Variants in NECTIN3 observed in about 807,000 individuals in gnomAD.
NECTIN3 encodes the protein nectin-3.
NECTIN3 carries 8 observed loss-of-function variants against 49.4 expected under a neutral mutation model. The observed-to-expected ratio is 0.16, with a 90% CI of 0.10 to 0.29. NECTIN3 has a LOEUF of 0.29. NECTIN3 is among the 10% of genes least tolerant of loss of function. The pLI, the probability that NECTIN3 is intolerant of heterozygous loss-of-function variation, is 1.00. For synonymous variants in NECTIN3, 277 were observed against 241.1 expected (o/e 1.15, Z -1.38); for missense variants, 581 against 654.6 (o/e 0.89, Z 1.23).
At chr3:111,178,006 G>A (rs1010305805) in intron 7 of NECTIN3, among the ~76,000 whole-genome samples, 6 of 152,112 alleles carry the variant, frequency 3.9e-5, no homozygotes, top group African/African-American at 1.4e-4. Flanking sequence ...AATTAAGCAA[G>A]ACCATAAACC....
At chr3:111,139,635 T>G (rs1256587713), downstream of NECTIN3, among the ~76,000 whole-genome samples, 1 of 151,782 alleles carries the variant, frequency 6.6e-6, no homozygotes, top group Non-Finnish European at 1.5e-5. Context: ...TCTTTTACCA[T>G]ATCATATACC....
Position 111,126,243 on chromosome 3 carries a change from A to G in NECTIN3, c.977A>G (p.His326Arg). The G allele has an allele frequency of 1.2e-6, 2 of 1,610,030 alleles. No individual in the cohort carries two copies. Among genetic ancestry groups the G allele is most frequent in the African/African-American group, 1.3e-5 (1 of 74,886 alleles). The change falls in exon 5 of 6, where the codon CAT becomes CGT. Residue 326 changes from histidine (H) to arginine (R), a missense_variant. His to Arg is a conservative substitution (Grantham distance 29, BLOSUM62 0). This residue lies in a region of NECTIN3 where 234 missense variants were observed against 340.6 expected (regional missense o/e 0.69). Coordinates refer to ENST00000485303, the MANE Select transcript of NECTIN3 (RefSeq NM_015480.3). ...LASDNTLHFVHPLTFNYSGVY... is the reference protein window; with the variant it reads ...LASDNTLHFVRPLTFNYSGVY... ...TCAGACAATACTCTTCATTTTGTCC[A>G]TCCATTGACTTTCAATTATTCTGGT...
chr3:111,081,179 G>A (rs2031578588), intron 1 of NECTIN3, among the ~76,000 whole-genome samples: 1 of 152,224 alleles, frequency 6.6e-6, no homozygotes. Context: ...TACTCAGGAG[G>A]GTAAGGTGGG....
intron 6 of NECTIN3, chr3:111,145,101 C>T (rs1559807348): frequency 1.4e-6 from 2 of 1,449,714 alleles, no homozygotes; most frequent in African/African-American, 1.4e-5. Context: ...TTTATGTTTA[C>T]CTTTACAGCT....
At chr3:111,078,505 T>C (rs2031386092) in intron 1 of NECTIN3, among the ~76,000 whole-genome samples, 1 of 152,174 alleles carries the variant, frequency 6.6e-6, no homozygotes, top group African/African-American at 2.4e-5. Flanking sequence ...TCATGGAAAG[T>C]TAACAATGTG....
rs1463844887 is a variant in NECTIN3, at chr3:111,169,256, A to AT, written c.1221+21778dup. 3.3e-5 allele frequency among the ~76,000 whole-genome samples: 5 copies of AT among 151,034 alleles called. 1 individual carries two copies. The East Asian group carries it at 9.8e-4, about 30-fold the overall frequency. ...AGGCGCCTGCCACCACGCCTGGCTAATTTTTTGTAATTTTTATTAGAGACG... is the reference window on the plus strand; with the variant it reads ...AGGCGCCTGCCACCACGCCTGGCTAATTTTTTTGTAATTTTTATTAGAGACG... On this transcript the variant is annotated intron_variant, in intron 7 of 8. Transcript: ENST00000493615.
At chr3:111,119,018 T>A in intron 3 of NECTIN3, 66 bp downstream of exon 3, 1 of 1,335,788 alleles carries the variant, frequency 7.5e-7, no homozygotes, top group South Asian at 1.5e-5. Flanking sequence ...ATTTTTAGTT[T>A]GAATATTTAA....
At position 111,133,680 on chromosome 3, in the gene NECTIN3, C is replaced by G; in HGVS notation, c.1115C>G (p.Pro372Arg). 1 of 1,613,844 alleles carries G rather than the reference C, an allele frequency of 6.2e-7. No homozygotes were observed. The highest frequency in any genetic ancestry group is 8.5e-7 in the Non-Finnish European group (1 of 1,179,844). Residue 372 changes from proline (P) to arginine (R), a missense_variant, in exon 6 of 6, where the codon CCC becomes CGC. Pro to Arg is a moderately radical substitution (Grantham distance 103). Around this residue, in one of 3 missense-constraint regions of NECTIN3, gnomAD observed 238 missense variants for 244.9 expected, o/e 0.97. Coordinates refer to ENST00000485303, the MANE Select transcript of NECTIN3 (RefSeq NM_015480.3). The part of the protein sequence containing the change: ...TTLQPTIQWH[P>R]STADIEDLAT... ...CTTCAGCCTACAATTCAGTGGCATC[C>G]CTCAACTGCTGACATCGAGGATCTA...
intron 1 of NECTIN3, among the ~76,000 whole-genome samples, chr3:111,074,532 G>A (rs949530148): frequency 1.3e-5 from 2 of 152,002 alleles, no homozygotes; most frequent in African/African-American, 4.8e-5. Context: ...ACTTTATCGT[G>A]TTAATTTAAC....
rs1386807672 is a variant in NECTIN3 at position 111,126,822 on chromosome 3, A to G, written c.1069+487A>G. 2.0e-5 allele frequency among the ~76,000 whole-genome samples: 3 copies of G among 152,272 alleles called. No individual in the cohort carries two copies. The East Asian group carries it at 5.8e-4, about 29-fold the overall frequency. On this transcript the variant is annotated intron_variant, in intron 5 of 5. Coordinates refer to ENST00000485303, the MANE Select transcript of NECTIN3 (RefSeq NM_015480.3). The stretch of plus-strand genomic sequence containing the variant: ...TTGTGTTACTGAGAGGTGAAATAGG[A>G]ATGCTACTGAAAATGTGTTAATGAA...
At chr3:111,150,553 T>TA (rs1309280627) in intron 7 of NECTIN3, among the ~76,000 whole-genome samples, 1 of 151,964 alleles carries the variant, frequency 6.6e-6, no homozygotes. Flanking sequence ...ACACAGAATA[T>TA]AAAAAGCTTA....
downstream of NECTIN3, among the ~76,000 whole-genome samples, chr3:111,141,964 T>G (rs930979481): frequency 6.6e-6 from 1 of 151,882 alleles, no homozygotes; most frequent in African/African-American, 2.4e-5. Context: ...GAAGTATGTA[T>G]ATGTTTATTT....
Position 111,092,967 on chromosome 3 carries a change from T to C in NECTIN3, c.161-19063T>C, listed in dbSNP as rs146453156. On this transcript the variant is annotated intron_variant, in intron 1 of 5. Coordinates refer to ENST00000485303, the MANE Select transcript of NECTIN3 (RefSeq NM_015480.3). Reference sequence around the variant, plus strand: ...GATAAGTTTACATTTATTTAGGCTTTCTTTAATTTCTTTTAACATTGTTTT... The same window carrying C: ...GATAAGTTTACATTTATTTAGGCTTCCTTTAATTTCTTTTAACATTGTTTT... 1.0e-3 allele frequency among the ~76,000 whole-genome samples: 157 copies of C among 152,336 alleles called. No individual in the cohort carries two copies. In the East Asian group the frequency reaches 0.028, roughly 27 times the overall value.
In NECTIN3 at chr3:111,135,026, T is replaced by C. The variant is rs970219798; in HGVS notation, c.*811T>C. On this transcript the variant is annotated 3_prime_UTR_variant, in exon 6 of 6. Transcript: ENST00000485303. ...GGATTTTGGTACATTAGCAGTAGCC[T>C]TATTTTAATGCTTTATGTCCTAAAC... 35 of 980,920 alleles carry C rather than the reference T, an allele frequency of 3.6e-5. No individual in the cohort carries two copies. Among genetic ancestry groups the C allele is most frequent in the Non-Finnish European group, 3.9e-5 (32 of 826,068 alleles). The allele number at this position is 980,920 out of a possible 1,614,324, so 60.8% of individuals were successfully genotyped here.
chr3:111,147,333 C>T, intron 6 of NECTIN3: 1 of 1,198,964 alleles, frequency 8.3e-7, no homozygotes, highest in Non-Finnish European at 1.2e-6. Flanking sequence ...TTATGAGAAC[C>T]TTGATTTTCT....
In NECTIN3 at chr3:111,134,747, A is replaced by C; in HGVS notation, c.*532A>C. On this transcript the variant is annotated 3_prime_UTR_variant, in exon 6 of 6. Coordinates refer to ENST00000485303, the MANE Select transcript of NECTIN3 (RefSeq NM_015480.3). ...GATGGAATGGCTTTCCTTTTCAAACATTATTTTCTAAGTTTCTATACAAAT... is the reference window on the plus strand; with the variant it reads ...GATGGAATGGCTTTCCTTTTCAAACCTTATTTTCTAAGTTTCTATACAAAT... 1 of 943,932 alleles carries C rather than the reference A, an allele frequency of 1.1e-6. No homozygotes were observed. The highest frequency in any genetic ancestry group is 1.3e-6 in the Non-Finnish European group (1 of 792,420). The allele number at this position is 943,932 out of a possible 1,614,324, so 58.5% of individuals were successfully genotyped here. A position where few individuals can be genotyped will look rare whatever the true frequency, so the allele number is the denominator to read the frequency against.
At chr3:111,075,959 G>T (rs551665435) in intron 1 of NECTIN3, among the ~76,000 whole-genome samples, 2 of 152,182 alleles carry the variant, frequency 1.3e-5, no homozygotes, top group South Asian at 4.2e-4. Flanking sequence ...CATATTGCCT[G>T]CATGAGTCTT....
chr3:111,133,878 A>C lies in NECTIN3; in HGVS notation c.1313A>C (p.Tyr438Ser). The C allele has an allele frequency of 6.2e-7, 1 of 1,613,998 alleles. No individual in the cohort carries two copies. Among genetic ancestry groups the C allele is most frequent in the Non-Finnish European group, 8.5e-7 (1 of 1,179,896 alleles). The change falls in exon 6 of 6, where the codon TAC (tyrosine) becomes TCC (serine). Residue 438 changes from tyrosine (Y) to serine (S), a missense_variant. This residue lies in a region of NECTIN3 where 238 missense variants were observed against 244.9 expected (regional missense o/e 0.97). Coordinates refer to ENST00000485303, the MANE Select transcript of NECTIN3 (RefSeq NM_015480.3). Reference protein sequence around the residue: ...YRRRRTFRGDYFAKNYIPPSD... With the variant: ...YRRRRTFRGDSFAKNYIPPSD... ...AGAAGACGGACGTTTCGTGGAGACT[A>C]CTTTGCCAAGAACTACATTCCACCA...
At chr3:111,191,123 G>A (rs2107538948), upstream of NECTIN3, among the ~76,000 whole-genome samples, 1 of 152,194 alleles carries the variant, frequency 6.6e-6, no homozygotes, top group Non-Finnish European at 1.5e-5. Flanking sequence ...TATATTGACT[G>A]AACATCTATT....
Sources: allele counts gnomAD v4.1 joint callset (sites outside exome capture counted in the v4.1 genomes callset), GRCh38; gene constraint gnomAD v4.1.1; regional missense constraint gnomAD v4.1.1; transcripts MANE v1.5; gene names NCBI Gene and HGNC (gene_info 2026-07-23, HGNC 2026-07-21).